ERICH6B: variants seen among roughly 807,000 people sequenced by gnomAD.
ERICH6B encodes the protein glutamate rich 6B, also known as glutamate-rich protein 6B.
Under a neutral mutation model 80.0 loss-of-function variants are expected in ERICH6B, and 69 were observed. The ratio of observed to expected loss-of-function variants is 0.86; its 90% CI spans 0.71 to 1.05. ERICH6B has a LOEUF of 1.05. Among genes scored for constraint, ERICH6B ranks in the 50% least tolerant of loss-of-function variants. ERICH6B has a pLI of 0.00. For synonymous variants in ERICH6B, 283 were observed against 291.9 expected (o/e 0.97, Z 0.31); for missense variants, 754 against 796.1 (o/e 0.95, Z 0.64).
At chr13:45,544,294 C>G (rs994600473) in intron 14 of ERICH6B, among the ~76,000 whole-genome samples, 3 of 152,130 alleles carry the variant, frequency 2.0e-5, no homozygotes, top group African/African-American at 7.2e-5. Context: ...AGGCTGGTCT[C>G]GAACTCCTGG....
intron 7 of ERICH6B, among the ~76,000 whole-genome samples, chr13:45,579,587 G>A (rs1305352297): frequency 6.6e-6 from 1 of 152,196 alleles, no homozygotes; most frequent in Non-Finnish European, 1.5e-5. Context: ...ATAGGACCCT[G>A]AGTCTATCTG....
chr13:45,579,774 A>T (rs1282338299), intron 7 of ERICH6B, among the ~76,000 whole-genome samples, 159 bp downstream of exon 7: 1 of 152,000 alleles, frequency 6.6e-6, no homozygotes, highest in Non-Finnish European at 1.5e-5. Context: ...CTCCTTCTTG[A>T]GGAGGTTTGG....
At chr13:45,590,808 T>A (rs1358941206) in intron 3 of ERICH6B, 111 bp from the exon 4 acceptor site, 4 of 888,468 alleles carry the variant, frequency 4.5e-6, no homozygotes, top group Non-Finnish European at 6.7e-6. Flanking sequence ...AAATTTTCTA[T>A]TTTTACTTTT....
chr13:45,541,722 C>T (rs1302236329), intron 14 of ERICH6B, 42 bp from the exon 15 acceptor site: 3 of 1,535,104 alleles, frequency 2.0e-6, no homozygotes, highest in Non-Finnish European at 2.6e-6. Context: ...TGCATGCTGC[C>T]TGAGCACGGT....
chr13:45,569,316 G>A (rs1402883658), intron 8 of ERICH6B, among the ~76,000 whole-genome samples: 2 of 152,166 alleles, frequency 1.3e-5, no homozygotes, highest in African/African-American at 4.8e-5. Flanking sequence ...AGTAGAGATG[G>A]GATTTCACCA....
rs566924072 is a variant in ERICH6B at position 45,541,533 on chromosome 13, T to A, written c.2020A>T (p.Ile674Leu). The change falls in exon 15 of 15, where the codon ATA (isoleucine) becomes TTA (leucine). Residue 674 changes from isoleucine to leucine, a missense_variant. By Grantham distance (5) the Ile-to-Leu change is conservative (BLOSUM62 2). Transcript: ENST00000298738. ...ATCAGTGATATACTGACGGCCTCTATGAAGTTTTCCAGATCAGGGGTGGTC... is the reference window on the plus strand; with the variant it reads ...ATCAGTGATATACTGACGGCCTCTAAGAAGTTTTCCAGATCAGGGGTGGTC... The part of the protein sequence containing the change: ...YATTPDLENF[I>L]EAVSISLMDN... The A allele has an allele frequency of 6.4e-7, 1 of 1,552,034 alleles. No homozygotes were observed. The highest frequency in any genetic ancestry group is 8.7e-7 in the Non-Finnish European group (1 of 1,147,094).
intron 2 of ERICH6B, among the ~76,000 whole-genome samples, chr13:45,601,009 C>G (rs896202377): frequency 5.9e-5 from 9 of 152,156 alleles, no homozygotes; most frequent in African/African-American, 1.7e-4. Context: ...TCCCCATGCC[C>G]CAGGCCTGCC....
In ERICH6B at chr13:45,594,459, G is replaced by A. The variant is rs367765798; in HGVS notation, c.637+1910C>T. ...AATGCTTGATTCATACCGTGCAAGA[G>A]AAAAAGCCCTGAATGCTATTTTTCA... On this transcript the variant is annotated intron_variant, in intron 3 of 14. Transcript: ENST00000298738. Among the ~76,000 whole-genome samples, 19 of 152,312 alleles carry A rather than the reference G, an allele frequency of 1.2e-4. No homozygotes were observed. The South Asian group carries it at 1.4e-3, about 12-fold the overall frequency.
intron 2 of ERICH6B, among the ~76,000 whole-genome samples, chr13:45,604,822 G>A (rs368212315): frequency 6.2e-4 from 94 of 152,248 alleles, no homozygotes; most frequent in African/African-American, 2.2e-3. Flanking sequence ...GCTCACGTGG[G>A]AGGCTGAGAT....
intron 8 of ERICH6B, among the ~76,000 whole-genome samples, chr13:45,570,368 C>T (rs1044279958): frequency 2.6e-5 from 4 of 152,242 alleles, no homozygotes; most frequent in African/African-American, 4.8e-5. Context: ...GAGGCTGAGG[C>T]GGGTGGATCA....
intron 1 of ERICH6B, among the ~76,000 whole-genome samples, chr13:45,614,653 C>T (rs1004402008): frequency 2.6e-5 from 4 of 152,184 alleles, no homozygotes; most frequent in East Asian, 1.9e-4. Context: ...TTCTCCCAGC[C>T]GATGCTTGGA....
At chr13:45,573,370 T>C (rs1226438661) in intron 8 of ERICH6B, among the ~76,000 whole-genome samples, 1 of 152,214 alleles carries the variant, frequency 6.6e-6, no homozygotes, top group Non-Finnish European at 1.5e-5. Flanking sequence ...TATATGTATA[T>C]GTGTATATGC....
In ERICH6B at chr13:45,597,021, G is replaced by T. The variant is rs1358558012; in HGVS notation, c.-16C>A. 6.6e-7 allele frequency: 1 copy of T among 1,524,694 alleles called. No homozygotes were observed. Among genetic ancestry groups the T allele is most frequent in the Admixed American group, 2.0e-5 (1 of 48,984 alleles). 94.4% of individuals were successfully genotyped at this position (1,524,694 alleles called of 1,614,324 possible). ...CAGCAGACATGCTGGGGAAGTCGTAGGTGGTGAACTCCTTCTGCAGCAGCC... is the reference window on the plus strand; with the variant it reads ...CAGCAGACATGCTGGGGAAGTCGTATGTGGTGAACTCCTTCTGCAGCAGCC... On this transcript the variant is annotated 5_prime_UTR_variant, in exon 3 of 15. Coordinates refer to ENST00000298738, the MANE Select transcript of ERICH6B (RefSeq NM_182542.3).
intron 11 of ERICH6B, 45 bp from the exon 12 acceptor site, chr13:45,550,361 G>T (rs890087101): frequency 3.4e-6 from 5 of 1,476,938 alleles, no homozygotes; most frequent in South Asian, 1.2e-5. Flanking sequence ...AAAGTACATG[G>T]GTACCAACTG....
At chr13:45,575,317 T>C (rs897766991) in intron 7 of ERICH6B, among the ~76,000 whole-genome samples, 2 of 152,118 alleles carry the variant, frequency 1.3e-5, no homozygotes, top group Admixed American at 1.3e-4. Context: ...GCAAAGGCCC[T>C]GAGGTGAGTG....
chr13:45,543,497 G>C (rs1328592365), intron 14 of ERICH6B, among the ~76,000 whole-genome samples: 1 of 152,184 alleles, frequency 6.6e-6, no homozygotes, highest in South Asian at 2.1e-4. Context: ...AAAAGACGAG[G>C]TTTGACACAG....
chr13:45,553,101 T>C, intron 11 of ERICH6B: 1 of 355,112 alleles, frequency 2.8e-6, no homozygotes, highest in Non-Finnish European at 5.6e-6. Context: ...CCTTAAACTG[T>C]TTTATCTGAT....
chr13:45,544,989 G>C lies in ERICH6B; in HGVS notation c.1647-4C>G. The C allele has an allele frequency of 6.5e-7, 1 of 1,549,678 alleles. No homozygotes were observed. The highest frequency in any genetic ancestry group is 8.7e-7 in the Non-Finnish European group (1 of 1,146,450). ...CAGGTTGGAGCTCAGGTTCAACCTG[G>C]ACCAGGAGAAAGCATGTCAGGCAGC... On this transcript the variant is annotated splice_polypyrimidine_tract_variant and splice_region_variant and intron_variant, in intron 13 of 14. Coordinates refer to ENST00000298738, the MANE Select transcript of ERICH6B (RefSeq NM_182542.3).
intron 11 of ERICH6B, among the ~76,000 whole-genome samples, chr13:45,556,784 T>C (rs554793850): frequency 6.6e-6 from 1 of 152,252 alleles, no homozygotes; most frequent in South Asian, 2.1e-4. Context: ...TGTGTGTATA[T>C]ATATATACAC....
Sources: allele counts gnomAD v4.1 joint callset (sites outside exome capture counted in the v4.1 genomes callset), GRCh38; gene constraint gnomAD v4.1.1; transcripts MANE v1.5; gene names NCBI Gene and HGNC (gene_info 2026-07-23, HGNC 2026-07-21).